LRCH1: variants seen among roughly 807,000 people sequenced by gnomAD.
LRCH1 encodes leucine rich repeats and calponin homology domain containing 1.
A neutral mutation model predicts 94.9 loss-of-function variants in LRCH1; 23 were observed. That is an observed-to-expected ratio of 0.24 (90% CI 0.17 to 0.34). The LOEUF (loss-of-function observed/expected upper bound fraction) is 0.34. Among genes scored for constraint, LRCH1 ranks in the 10% least tolerant of loss-of-function variants. The probability of loss-of-function intolerance (pLI) is 1.00; values close to 1 mark genes in which losing one functional copy is unlikely to be tolerated. For missense variants in LRCH1, 790 were observed against 945.9 expected, an observed-to-expected ratio of 0.84 and a Z score of 2.16; for synonymous variants, 364 against 354.9, an observed-to-expected ratio of 1.03 and a Z score of -0.29.
intron 1 of LRCH1, among the ~76,000 whole-genome samples, chr13:46,597,513 C>T (rs755510438): frequency 5.3e-5 from 8 of 152,074 alleles, no homozygotes; most frequent in Non-Finnish European, 8.8e-5. Flanking sequence ...TCAGCCACCA[C>T]GCCCGGCTAA....
At chr13:46,555,139 T>C (rs1207220656) in intron 1 of LRCH1, among the ~76,000 whole-genome samples, 3 of 152,200 alleles carry the variant, frequency 2.0e-5, no homozygotes, top group African/African-American at 7.2e-5. Context: ...AAGAGGGAAT[T>C]TCCAAAGTTG....
In LRCH1 at chr13:46,650,263, A is replaced by G; in HGVS notation, c.370A>G (p.Ile124Val). The G allele has an allele frequency of 1.2e-6, 2 of 1,612,832 alleles. No individual in the cohort carries two copies. Among genetic ancestry groups the G allele is most frequent in the Non-Finnish European group, 1.7e-6 (2 of 1,179,200 alleles). The change falls in exon 2 of 20, where the codon ATT becomes GTT. Residue 124 changes from isoleucine to valine, a missense_variant. By Grantham distance (29) the Ile-to-Val change is conservative (BLOSUM62 3). Around this residue, in one of 3 missense-constraint regions of LRCH1, gnomAD observed 194 missense variants for 293.5 expected, o/e 0.66. Coordinates refer to ENST00000389797, the MANE Select transcript of LRCH1 (RefSeq NM_001164211.2). The part of the protein sequence containing the change: ...MELCHFVSLE[I>V]LNLYHNCIRV... ...ATTGTGCCATTTTGTATCACTGGAAATTCTTAATCTGTATCACAACTGTAT... is the reference window on the plus strand; with the variant it reads ...ATTGTGCCATTTTGTATCACTGGAAGTTCTTAATCTGTATCACAACTGTAT...
At chr13:46,653,603 T>A (rs1173355642) in intron 2 of LRCH1, among the ~76,000 whole-genome samples, 1 of 152,016 alleles carries the variant, frequency 6.6e-6, no homozygotes, top group East Asian at 1.9e-4. Context: ...GGCAGGCAGA[T>A]CCCTTGAGCC....
At chr13:46,650,797 A>G (rs981422878) in intron 2 of LRCH1, among the ~76,000 whole-genome samples, 2 of 151,640 alleles carry the variant, frequency 1.3e-5, no homozygotes, top group Non-Finnish European at 2.9e-5. Context: ...TTTGCTACCT[A>G]GTACTAATTG....
intron 1 of LRCH1, among the ~76,000 whole-genome samples, chr13:46,649,297 T>G (rs1041394535): frequency 6.6e-6 from 1 of 152,246 alleles, no homozygotes; most frequent in Non-Finnish European, 1.5e-5. Flanking sequence ...TGAGGTTATC[T>G]CTTATTGTTG....
intron 1 of LRCH1, among the ~76,000 whole-genome samples, chr13:46,585,153 A>T (rs1409794059): frequency 6.6e-6 from 1 of 152,226 alleles, no homozygotes; most frequent in East Asian, 1.9e-4. Flanking sequence ...TCTCATGTTT[A>T]GTAAGGCTTT....
chr13:46,737,718 T>C (rs538224190), intron 19 of LRCH1, among the ~76,000 whole-genome samples: 10 of 152,262 alleles, frequency 6.6e-5, no homozygotes, highest in Middle Eastern at 3.4e-3. Flanking sequence ...AATGGACACA[T>C]TGGGGCTTCC....
At chr13:46,707,002 ACAAT>A (rs1450069104) in intron 13 of LRCH1, among the ~76,000 whole-genome samples, 1 of 152,176 alleles carries the variant, frequency 6.6e-6, no homozygotes, top group African/African-American at 2.4e-5. Context: ...TTTATCTTAC[ACAAT>A]CAATTTCAGT....
intron 3 of LRCH1, among the ~76,000 whole-genome samples, chr13:46,676,821 A>C (rs908425196): frequency 9.9e-5 from 15 of 152,156 alleles, no homozygotes; most frequent in African/African-American, 3.6e-4. Context: ...TGTGTCACTC[A>C]GGCTGGAATG....
intron 18 of LRCH1, among the ~76,000 whole-genome samples, chr13:46,730,150 G>C (rs186940998): frequency 2.1e-3 from 325 of 152,214 alleles, no homozygotes; most frequent in Non-Finnish European, 3.6e-3. Context: ...TTTGCTGTTT[G>C]TTAGGAGAGG....
intron 1 of LRCH1, among the ~76,000 whole-genome samples, chr13:46,641,209 T>C (rs141915620): frequency 6.6e-6 from 1 of 152,036 alleles, no homozygotes; most frequent in East Asian, 1.9e-4. Context: ...TCAGGATGGA[T>C]AGAAAGATGT....
At chr13:46,565,914 T>C (rs1480061354) in intron 1 of LRCH1, among the ~76,000 whole-genome samples, 2 of 150,630 alleles carry the variant, frequency 1.3e-5, no homozygotes, top group Non-Finnish European at 2.9e-5. Context: ...CAGAGAAGAG[T>C]GTGTTCAGGT....
chr13:46,577,023 T>C (rs954188234), intron 1 of LRCH1, among the ~76,000 whole-genome samples: 2 of 152,192 alleles, frequency 1.3e-5, no homozygotes, highest in African/African-American at 2.4e-5. Context: ...GTGGAACTCA[T>C]GGTGGCCTTT....
At chr13:46,728,158 C>T (rs1401474010) in intron 17 of LRCH1, among the ~76,000 whole-genome samples, 2 of 152,040 alleles carry the variant, frequency 1.3e-5, no homozygotes, top group African/African-American at 4.8e-5. Context: ...GCTCAGGCAT[C>T]TCCCCACCTC....
At chr13:46,623,880 A>ATTAT (rs903272558) in intron 1 of LRCH1, among the ~76,000 whole-genome samples, 1 of 98,192 alleles carries the variant, frequency 1.0e-5, no homozygotes, top group African/African-American at 4.0e-5. Context: ...TCTGTTTTTT[A>ATTAT]TTATTTATTT....
intron 7 of LRCH1, among the ~76,000 whole-genome samples, chr13:46,690,128 T>C (rs1870823736): frequency 6.6e-6 from 1 of 152,106 alleles, no homozygotes; most frequent in Non-Finnish European, 1.5e-5. Context: ...GTAGCTAAGG[T>C]ATTTGAATTT....
intron 1 of LRCH1, among the ~76,000 whole-genome samples, chr13:46,606,336 A>G (rs1039168481): frequency 3.3e-5 from 5 of 152,182 alleles, no homozygotes; most frequent in African/African-American, 7.2e-5. Flanking sequence ...TTCTGAGTCT[A>G]TAGGACTTGC....
At chr13:46,610,837 T>G (rs2050740409) in intron 1 of LRCH1, among the ~76,000 whole-genome samples, 1 of 152,216 alleles carries the variant, frequency 6.6e-6, no homozygotes, top group African/African-American at 2.4e-5. Context: ...CCGTCTGACA[T>G]GTTCTGCACC....
chr13:46,679,204 C>T (rs2051717758), intron 3 of LRCH1, among the ~76,000 whole-genome samples: 1 of 152,344 alleles, frequency 6.6e-6, no homozygotes, highest in African/African-American at 2.4e-5. Flanking sequence ...ACCCAAGTGA[C>T]TGTATCTGGT....
Sources: allele counts gnomAD v4.1 joint callset (sites outside exome capture counted in the v4.1 genomes callset), GRCh38; gene constraint gnomAD v4.1.1; regional missense constraint gnomAD v4.1.1; transcripts MANE v1.5; gene names NCBI Gene and HGNC (gene_info 2026-07-23, HGNC 2026-07-21).